Variants in DNAH8 observed in about 807,000 individuals in gnomAD.
The protein encoded by DNAH8 is axonemal beta dynein heavy chain 8.
Under a neutral mutation model 562.1 loss-of-function variants are expected in DNAH8, and 382 were observed. That is an observed-to-expected ratio of 0.68 (90% CI 0.63 to 0.74). The LOEUF is 0.74. Among genes scored for constraint, DNAH8 ranks in the 30% least tolerant of loss-of-function variants. DNAH8 has a pLI of 0.00. For missense variants in DNAH8, 5,203 were observed against 5,620.4 expected, an observed-to-expected ratio of 0.93 and a Z score of 2.37; for synonymous variants, 1,881 against 1,919.4, an observed-to-expected ratio of 0.98 and a Z score of 0.52.
chr6:38,932,571 T>A (rs980443682), intron 76 of DNAH8, among the ~76,000 whole-genome samples: 10 of 152,234 alleles, frequency 6.6e-5, no homozygotes, highest in Non-Finnish European at 1.5e-4. Context: ...CATTGTTTTA[T>A]GCATAAAATA....
intron 11 of DNAH8, 47 bp from the exon 12 acceptor site, chr6:38,770,366 A>G (rs1172568312): frequency 1.3e-5 from 18 of 1,336,424 alleles, no homozygotes; most frequent in Non-Finnish European, 1.8e-5. Flanking sequence ...CGATTCCTGA[A>G]CAAATGTCTC....
Position 38,924,084 on chromosome 6 carries a change from G to A in DNAH8, c.10884G>A (p.Trp3628Ter). ...GGAACTATTTGCTTAAAGATCAATGGGAAATGGAGTTGAGAGCACGGAAAA... is the reference window on the plus strand; with the variant it reads ...GGAACTATTTGCTTAAAGATCAATGAGAAATGGAGTTGAGAGCACGGAAAA... The part of the protein sequence containing the change: ...IFRNYLLKDQ[W>*]EMELRARKIP... The change falls in exon 73 of 93, where the codon TGG becomes TGA. Residue 3628 changes from tryptophan to a stop codon, truncating the protein, a stop_gained. Coordinates refer to ENST00000327475, the MANE Select transcript of DNAH8 (RefSeq NM_001206927.2). LOFTEE classifies it high-confidence loss of function. 2 of 1,613,960 alleles carry A rather than the reference G, an allele frequency of 1.2e-6. No homozygotes were observed. Among genetic ancestry groups the A allele is most frequent in the Non-Finnish European group, 1.7e-6 (2 of 1,179,906 alleles).
At chr6:38,762,044 C>T (rs150335559) in intron 11 of DNAH8, among the ~76,000 whole-genome samples, 10 of 152,234 alleles carry the variant, frequency 6.6e-5, no homozygotes, top group African/African-American at 1.2e-4. Flanking sequence ...CCATTTCATA[C>T]GCTCTGGCCC....
At chr6:38,868,398 T>G (rs1645531291) in intron 48 of DNAH8, among the ~76,000 whole-genome samples, 1 of 152,174 alleles carries the variant, frequency 6.6e-6, no homozygotes, top group Non-Finnish European at 1.5e-5. Context: ...AAGTGCCTCC[T>G]TTTATCAGCT....
intron 13 of DNAH8, among the ~76,000 whole-genome samples, chr6:38,777,037 G>A (rs996082670): frequency 2.0e-5 from 3 of 152,200 alleles, no homozygotes; most frequent in Non-Finnish European, 1.5e-5. Flanking sequence ...TACATTACAC[G>A]TAACCTGGGC....
At chr6:38,863,079 C>T (rs199913260) in intron 44 of DNAH8, among the ~76,000 whole-genome samples, 4 of 152,136 alleles carry the variant, frequency 2.6e-5, no homozygotes, top group South Asian at 2.1e-4. Context: ...AGATTCATTA[C>T]GTACAACTGT....
intron 15 of DNAH8, 66 bp downstream of exon 15, chr6:38,780,131 T>A: frequency 6.8e-7 from 1 of 1,462,704 alleles, no homozygotes; most frequent in Middle Eastern, 1.8e-4. Context: ...TGAAAATATT[T>A]GCCATCATTG....
intron 24 of DNAH8, among the ~76,000 whole-genome samples, chr6:38,809,331 C>A (rs1357587075): frequency 6.6e-6 from 1 of 152,148 alleles, no homozygotes; most frequent in African/African-American, 2.4e-5. Context: ...ACCAACTCTT[C>A]CCTACTTCAT....
rs538509829 is a variant in DNAH8 at position 38,784,313 on chromosome 6, A to G, written c.2395+1174A>G. Among the ~76,000 whole-genome samples, 196 of 152,318 alleles carry G rather than the reference A, an allele frequency of 1.3e-3. 3 individuals are homozygous for G. In the South Asian group the frequency reaches 0.013, roughly 10 times the overall value. On this transcript the variant is annotated intron_variant, in intron 17 of 92. Coordinates refer to ENST00000327475, the MANE Select transcript of DNAH8 (RefSeq NM_001206927.2). ...AAAGAGAATTTTTAACAACTGAAGC[A>G]TATACTGGTTTTGTTTTGGTTCTAC...
At position 38,786,684 on chromosome 6, in the gene DNAH8, G is replaced by A. The variant is rs754863341; in HGVS notation, c.2396-81G>A. On this transcript the variant is annotated intron_variant, in intron 17 of 92. Transcript: ENST00000327475. ...TGCCCTCAAGAAGTTAGTAATCCAG[G>A]GGGCAAGACAGAAATATAAACACAG... The A allele has an allele frequency of 2.8e-4, 399 of 1,417,074 alleles. 1 individual carries two copies. The highest frequency in any genetic ancestry group is 3.6e-4 in the Non-Finnish European group (381 of 1,045,560). The allele number at this position is 1,417,074 out of a possible 1,614,324, so 87.8% of individuals were successfully genotyped here. A position where few individuals can be genotyped will look rare whatever the true frequency, so the allele number is the denominator to read the frequency against.
chr6:38,903,356 G>A (rs1298473582), intron 62 of DNAH8, among the ~76,000 whole-genome samples: 1 of 152,070 alleles, frequency 6.6e-6, no homozygotes, highest in Non-Finnish European at 1.5e-5. Flanking sequence ...GAGCTGGAGT[G>A]AGAGAGTGAG....
At chr6:38,840,086 A>G (rs543892770) in intron 33 of DNAH8, among the ~76,000 whole-genome samples, 2 of 152,242 alleles carry the variant, frequency 1.3e-5, no homozygotes, top group East Asian at 3.9e-4. Context: ...AATGAGACTA[A>G]CTCCTCATCG....
Position 38,872,627 on chromosome 6 carries a change from C to G in DNAH8, c.7082C>G (p.Ala2361Gly), listed in dbSNP as rs1361266974. The change falls in exon 50 of 93, where the codon GCG becomes GGG. Residue 2361 changes from alanine to glycine, a missense_variant. Coordinates refer to ENST00000327475, the MANE Select transcript of DNAH8 (RefSeq NM_001206927.2). ...KTTVITILMK[A>G]QTECGRPHRE... ...ACCGTTATCACGATTCTAATGAAGG[C>G]GCAAACAGAATGCGGAAGGCCTCAT... is the stretch of plus-strand genomic sequence containing the variant. 1 of 1,614,020 alleles carries G rather than the reference C, an allele frequency of 6.2e-7. No individual in the cohort carries two copies. Among genetic ancestry groups the G allele is most frequent in the Admixed American group, 1.7e-5 (1 of 60,014 alleles).
At chr6:38,800,135 A>G (rs1770646956) in intron 21 of DNAH8, among the ~76,000 whole-genome samples, 1 of 151,704 alleles carries the variant, frequency 6.6e-6, no homozygotes, top group Admixed American at 6.6e-5. Context: ...TTATCTATCC[A>G]TTCACCAGTT....
At chr6:38,812,684 AG>A (rs1435372698) in intron 24 of DNAH8, among the ~76,000 whole-genome samples, 1 of 152,142 alleles carries the variant, frequency 6.6e-6, no homozygotes, top group African/African-American at 2.4e-5. Context: ...GTTTAGATGC[AG>A]GTGGATTTCC....
chr6:39,025,779 T>G (rs1331912220), intron 91 of DNAH8, among the ~76,000 whole-genome samples: 1 of 152,246 alleles, frequency 6.6e-6, no homozygotes, highest in Non-Finnish European at 1.5e-5. Context: ...TTTTTAATAT[T>G]TACATGGAGG....
At chr6:39,027,059 A>G (rs1767345227) in intron 92 of DNAH8, among the ~76,000 whole-genome samples, 1 of 147,828 alleles carries the variant, frequency 6.8e-6, no homozygotes, top group Admixed American at 6.7e-5. Flanking sequence ...TGTCTCCACC[A>G]TAAACAAACA....
intron 62 of DNAH8, among the ~76,000 whole-genome samples, chr6:38,900,750 G>T (rs1780020305): frequency 6.6e-6 from 1 of 152,014 alleles, no homozygotes; most frequent in East Asian, 1.9e-4. Flanking sequence ...ACGAGTAGCT[G>T]GGATCACAGG....
At chr6:39,027,415 G>C (rs923022887) in intron 92 of DNAH8, among the ~76,000 whole-genome samples, 4 of 152,206 alleles carry the variant, frequency 2.6e-5, no homozygotes, top group Non-Finnish European at 4.4e-5. Context: ...GAACATGGCT[G>C]GGGGGAAGAG....
Sources: allele counts gnomAD v4.1 joint callset (sites outside exome capture counted in the v4.1 genomes callset), GRCh38; gene constraint gnomAD v4.1.1; transcripts MANE v1.5; gene names NCBI Gene and HGNC (gene_info 2026-07-23, HGNC 2026-07-21).